CIRSR: variants seen among roughly 807,000 people sequenced by gnomAD.
CIRSR encodes the protein corepressor of RBPJ and splicing regulator.
the CIRSR span, among the ~76,000 whole-genome samples, chr2:174,383,668 C>T: frequency 5.7e-3 from 842 of 146,546 alleles, 9 homozygotes; most frequent in African/African-American, 0.021. Context: ...TGGAGTGAGC[C>T]GAGATCGCAC....
chr2:174,390,864 G>A, the CIRSR span, among the ~76,000 whole-genome samples: 82 of 152,116 alleles, frequency 5.4e-4, no homozygotes, highest in Non-Finnish European at 1.3e-4. Flanking sequence ...GAAGAAAGAC[G>A]TGTTTGCTTC....
chr2:174,350,760 A>G, the CIRSR span: 1 of 1,554,586 alleles, frequency 6.4e-7, no homozygotes, highest in South Asian at 1.2e-5. Flanking sequence ...GTCAACAAAG[A>G]TATCATTAAA....
the CIRSR span, among the ~76,000 whole-genome samples, chr2:174,365,119 T>A: frequency 6.6e-6 from 1 of 152,152 alleles, no homozygotes; most frequent in African/African-American, 2.4e-5. Flanking sequence ...GCTTAGAAAT[T>A]TCTTCCGCCA....
chr2:174,381,817 C>CA, the CIRSR span: 26,606 of 1,008,424 alleles, frequency 0.026, 2 homozygotes, highest in South Asian at 0.037. Context: ...TTATGTAGGA[C>CA]AAAAAAAAAA....
chr2:174,367,235 GAC>G, the CIRSR span, among the ~76,000 whole-genome samples: 1 of 152,082 alleles, frequency 6.6e-6, no homozygotes, highest in African/African-American at 2.4e-5. Context: ...AGGAGTTGAA[GAC>G]CAGCCTGTGC....
the CIRSR span, among the ~76,000 whole-genome samples, chr2:174,353,189 A>C: frequency 6.6e-6 from 1 of 152,158 alleles, no homozygotes; most frequent in South Asian, 2.1e-4. Context: ...AGTATGGGGG[A>C]AGTTATTAAT....
chr2:174,380,310 C>A, the CIRSR span: 2 of 1,197,842 alleles, frequency 1.7e-6, no homozygotes, highest in South Asian at 1.5e-5. Context: ...AATTAAACAG[C>A]AGTTAATCAG....
chr2:174,394,337 A>C, the CIRSR span, among the ~76,000 whole-genome samples: 68,264 of 151,976 alleles, frequency 0.45, 16,475 homozygotes, highest in African/African-American at 0.61. Flanking sequence ...AAGTATGCAG[A>C]GAAAGGAAAT....
the CIRSR span, among the ~76,000 whole-genome samples, chr2:174,385,652 T>A: frequency 6.6e-6 from 1 of 151,862 alleles, no homozygotes; most frequent in Non-Finnish European, 1.5e-5. Flanking sequence ...ACAGGGTTGG[T>A]GCATGTTAAA....
chr2:174,382,582 T>C, the CIRSR span, among the ~76,000 whole-genome samples: 2 of 152,072 alleles, frequency 1.3e-5, no homozygotes, highest in Non-Finnish European at 2.9e-5. Context: ...GAGGTTGCAG[T>C]GAGCCGAGAT....
chr2:174,365,322 C>T, the CIRSR span, among the ~76,000 whole-genome samples: 2 of 152,148 alleles, frequency 1.3e-5, no homozygotes, highest in African/African-American at 4.8e-5. Context: ...CAAAGCTATT[C>T]AACAAGTCTC....
At chr2:174,370,064 TAG>T in the CIRSR span, 1 of 1,354,576 alleles carries the variant, frequency 7.4e-7, no homozygotes, top group Non-Finnish European at 9.8e-7. Flanking sequence ...ATGCCTGCAT[TAG>T]AGTTTCAGGG....
chr2:174,360,638 T>C, the CIRSR span, among the ~76,000 whole-genome samples: 1 of 152,200 alleles, frequency 6.6e-6, no homozygotes. Context: ...TGACTGTGAT[T>C]GGAGAATCAT....
At chr2:174,370,055 T>C in the CIRSR span, 4 of 1,359,188 alleles carry the variant, frequency 2.9e-6, no homozygotes, top group East Asian at 9.2e-5. Flanking sequence ...AAATAAGGCA[T>C]GCCTGCATTA....
chr2:174,373,870 A>AACACACACATAC, the CIRSR span, among the ~76,000 whole-genome samples: 1 of 150,548 alleles, frequency 6.6e-6, no homozygotes, highest in East Asian at 1.9e-4. Flanking sequence ...TCACAAGCAA[A>AACACACACATAC]ACACACACAT....
chr2:174,387,574 C>A, the CIRSR span: 3 of 1,175,672 alleles, frequency 2.6e-6, no homozygotes, highest in African/African-American at 3.2e-5. Context: ...AGACACGAAT[C>A]CTATAATTGG....
At chr2:174,372,725 G>A in the CIRSR span, among the ~76,000 whole-genome samples, 5 of 152,196 alleles carry the variant, frequency 3.3e-5, no homozygotes, top group African/African-American at 4.8e-5. Context: ...TGGGATTACA[G>A]GCGCCACCAC....
the CIRSR span, chr2:174,378,788 G>A: frequency 1.4e-6 from 1 of 717,616 alleles, no homozygotes; most frequent in Non-Finnish European, 2.5e-6. Flanking sequence ...TTTTGGGAAT[G>A]GTCTTAGTCA....
chr2:174,395,165 C>G, the CIRSR span, among the ~76,000 whole-genome samples: 13 of 152,108 alleles, frequency 8.5e-5, no homozygotes, highest in Non-Finnish European at 1.8e-4. Context: ...TTTTAAAGAT[C>G]TATCTTAAGT....
Sources: gnomAD v4.1 joint callset for allele counts (sites outside exome capture counted in the v4.1 genomes callset) on GRCh38, gnomAD v4.1.1 for gene constraint, MANE v1.5 for transcripts, NCBI Gene and HGNC (gene_info 2026-07-23, HGNC 2026-07-21) for gene names.